Variants in PCSK6 observed in about 807,000 individuals in gnomAD.
The protein encoded by PCSK6 is paired basic amino acid cleaving enzyme 4.
Under a neutral mutation model 123.3 loss-of-function variants are expected in PCSK6, and 85 were observed. The observed-to-expected ratio is 0.69, with a 90% CI of 0.58 to 0.83. PCSK6 has a LOEUF of 0.83. Among genes scored for constraint, PCSK6 ranks in the 40% least tolerant of loss-of-function variants. The pLI is 0.00. For synonymous variants in PCSK6, 508 were observed against 516.0 expected, an observed-to-expected ratio of 0.98 and a Z score of 0.21; for missense variants, 1,191 against 1,282.3, an observed-to-expected ratio of 0.93 and a Z score of 1.09.
chr15:101,444,223 CA>C (rs1348501578), intron 1 of PCSK6, among the ~76,000 whole-genome samples: 2 of 152,126 alleles, frequency 1.3e-5, no homozygotes, highest in African/African-American at 2.4e-5. Flanking sequence ...AATTTTCTGC[CA>C]GGGGCAGTTT....
intron 6 of PCSK6, among the ~76,000 whole-genome samples, chr15:101,412,658 C>T (rs993682814): frequency 4.2e-5 from 6 of 141,190 alleles, no homozygotes; most frequent in East Asian, 2.0e-4. Flanking sequence ...AGTAATAGAA[C>T]CCACAGGACA....
At chr15:101,474,873 CT>C (rs1204122503) in intron 1 of PCSK6, among the ~76,000 whole-genome samples, 3 of 152,202 alleles carry the variant, frequency 2.0e-5, no homozygotes, top group Non-Finnish European at 2.9e-5. Flanking sequence ...TGTTGGTTCC[CT>C]TGTCCCCATG....
intron 11 of PCSK6, among the ~76,000 whole-genome samples, chr15:101,379,430 A>G (rs781105008): frequency 1.2e-4 from 18 of 152,224 alleles, no homozygotes; most frequent in Non-Finnish European, 2.2e-4. Flanking sequence ...ACCTTTGGTC[A>G]CACCAGGGTA....
Position 101,384,618 on chromosome 15 carries a change from A to G in PCSK6, c.1311-193T>C, listed in dbSNP as rs546805992. 1.8e-4 allele frequency among the ~76,000 whole-genome samples: 27 copies of G among 152,306 alleles called. 1 individual carries two copies. Among genetic ancestry groups the G allele is most frequent in the African/African-American group, 6.5e-4 (27 of 41,572 alleles). ...ACAAGTTTCCGGCAACTAAATCCTG[A>G]GGGAAAAAAAGGTTCAATGGGTGAC... On this transcript the variant is annotated intron_variant, in intron 9 of 21. Transcript: ENST00000611716.
intron 18 of PCSK6, among the ~76,000 whole-genome samples, chr15:101,320,820 C>G (rs558691527): frequency 2.0e-5 from 3 of 152,344 alleles, no homozygotes; most frequent in African/African-American, 7.2e-5. Context: ...AACGGAAGCT[C>G]TCTGTGGCTG....
rs115350202 is a variant in PCSK6 at position 101,461,145 on chromosome 15, G to A, written c.298-17485C>T. Among the ~76,000 whole-genome samples the A allele has an allele frequency of 5.0e-3, 760 of 152,144 alleles. 10 individuals carry two copies. The highest frequency in any genetic ancestry group is 0.016 in the African/African-American group (683 of 41,480). On this transcript the variant is annotated intron_variant, in intron 1 of 21. Coordinates refer to ENST00000611716, the MANE Select transcript of PCSK6 (RefSeq NM_002570.5). ...CACTGATAAAGAAAAAAATTAAGGC[G>A]CAAACGAATAAATAACATGATAAGT...
intron 1 of PCSK6, among the ~76,000 whole-genome samples, chr15:101,470,429 T>A (rs1206887401): frequency 6.6e-6 from 1 of 152,148 alleles, no homozygotes; most frequent in Admixed American, 6.5e-5. Context: ...TAATTCACTT[T>A]CCCCATACAC....
chr15:101,378,668 C>T (rs1439904156), intron 11 of PCSK6, among the ~76,000 whole-genome samples: 4 of 152,206 alleles, frequency 2.6e-5, no homozygotes, highest in Non-Finnish European at 5.9e-5. Context: ...CACCCAGGCC[C>T]AGCCCTACCT....
At chr15:101,364,083 G>T (rs904309580) in intron 13 of PCSK6, among the ~76,000 whole-genome samples, 19 of 152,108 alleles carry the variant, frequency 1.2e-4, no homozygotes, top group African/African-American at 4.6e-4. Context: ...TCCTAAAACT[G>T]TGCTATTCCA....
In PCSK6 at chr15:101,366,344, G is replaced by A; in HGVS notation, c.1722-12C>T. 1.2e-6 allele frequency: 2 copies of A among 1,608,908 alleles called. No individual in the cohort carries two copies. Among genetic ancestry groups the A allele is most frequent in the Non-Finnish European group, 8.5e-7 (1 of 1,177,598 alleles). On this transcript the variant is annotated splice_polypyrimidine_tract_variant and intron_variant, in intron 12 of 21. Transcript: ENST00000611716. ...AAAGATCCAGCAACCTGCAATTGGA[G>A]GTGTGGTGTCAGAAATGAAGGTGCT...
At chr15:101,473,060 A>C (rs983428977) in intron 1 of PCSK6, among the ~76,000 whole-genome samples, 1 of 151,734 alleles carries the variant, frequency 6.6e-6, no homozygotes, top group Non-Finnish European at 1.5e-5. Flanking sequence ...TTTCATTTGG[A>C]TTGGTTTTTG....
chr15:101,409,347 C>A (rs554052571), intron 6 of PCSK6, among the ~76,000 whole-genome samples: 5 of 152,092 alleles, frequency 3.3e-5, no homozygotes, highest in South Asian at 2.1e-4. Flanking sequence ...GCACTTTGGG[C>A]GGCCGAGGCG....
intron 1 of PCSK6, among the ~76,000 whole-genome samples, chr15:101,482,484 GA>G (rs2057913378): frequency 6.6e-6 from 1 of 152,210 alleles, no homozygotes; most frequent in Non-Finnish European, 1.5e-5. Flanking sequence ...CTGAGCTGCA[GA>G]AGATCAGAGG....
At chr15:101,329,398 C>T (rs58163897) in intron 15 of PCSK6, among the ~76,000 whole-genome samples, 1,770 of 152,308 alleles carry the variant, frequency 0.012, 30 homozygotes, top group African/African-American at 0.04. Context: ...GGAGCAGTAT[C>T]GGACCCGAGA....
intron 16 of PCSK6, among the ~76,000 whole-genome samples, chr15:101,325,389 G>A (rs74891957): frequency 7.2e-5 from 11 of 152,188 alleles, no homozygotes; most frequent in African/African-American, 2.4e-4. Context: ...TGAGTCTTGT[G>A]GGCAGTGAGT....
intron 7 of PCSK6, among the ~76,000 whole-genome samples, chr15:101,394,217 C>T (rs1007022507): frequency 6.6e-6 from 1 of 151,024 alleles, no homozygotes; most frequent in Non-Finnish European, 1.5e-5. Flanking sequence ...TCAGGTGATC[C>T]TCCTGCCTTA....
At chr15:101,311,507 CAGATG>C (rs1408612531) in intron 20 of PCSK6, among the ~76,000 whole-genome samples, 1 of 152,008 alleles carries the variant, frequency 6.6e-6, no homozygotes, top group Non-Finnish European at 1.5e-5. Flanking sequence ...AGACGCTGGG[CAGATG>C]CTGGCGCCAT....
At chr15:101,338,066 A>G (rs1338996506) in intron 13 of PCSK6, among the ~76,000 whole-genome samples, 7 of 152,210 alleles carry the variant, frequency 4.6e-5, no homozygotes. Context: ...TATGTCTATC[A>G]TGAACGGCAA....
At position 101,469,289 on chromosome 15, in the gene PCSK6, C is replaced by T. The variant is rs193037879; in HGVS notation, c.297+20085G>A. Among the ~76,000 whole-genome samples the T allele has an allele frequency of 8.3e-4, 126 of 152,252 alleles. 3 individuals are homozygous for T. In the East Asian group the frequency reaches 0.02, roughly 25 times the overall value. ...GCTGGGGGAGAGGATAATAATCCAG[C>T]CTCTCCAGGCACTTCAGTCTCTTGG... On this transcript the variant is annotated intron_variant, in intron 1 of 21. Transcript: ENST00000611716.
Sources: allele counts gnomAD v4.1 joint callset (sites outside exome capture counted in the v4.1 genomes callset), GRCh38; gene constraint gnomAD v4.1.1; transcripts MANE v1.5; gene names NCBI Gene and HGNC (gene_info 2026-07-23, HGNC 2026-07-21).